TUBGCP5: variants seen among roughly 807,000 people sequenced by gnomAD.
TUBGCP5 encodes the protein gamma-tubulin complex component 5.
A neutral mutation model predicts 134.7 loss-of-function variants in TUBGCP5; 98 were observed. The observed-to-expected ratio is 0.73, with a 90% CI of 0.62 to 0.86. The LOEUF is 0.86. TUBGCP5 is among the 40% of genes least tolerant of loss of function. TUBGCP5 has a pLI of 0.00. For missense variants in TUBGCP5, 1,150 were observed against 1,244.8 expected (o/e 0.92, Z 1.15); for synonymous variants, 456 against 431.4 (o/e 1.06, Z -0.71).
chr15:23,017,987 T>A lies in TUBGCP5; in HGVS notation c.1542A>T (p.Leu514Phe). ...HRDFWYATYT[L>F]YSVSEKTENE... is the part of the protein sequence containing the mutation. ...TTTCTGTCTTTTCTGATACGCTATA[T>A]AACGTGTAAGTTGCATACCAGAAGT... Residue 514 changes from leucine (L) to phenylalanine (F), a missense_variant, in exon 13 of 23, where the codon TTA becomes TTT. By Grantham distance (22) the Leu-to-Phe change is conservative. Coordinates refer to ENST00000615383, the MANE Select transcript of TUBGCP5 (RefSeq NM_052903.6). 1 of 1,614,182 alleles carries A rather than the reference T, an allele frequency of 6.2e-7. No homozygotes were observed. Among genetic ancestry groups the A allele is most frequent in the Non-Finnish European group, 8.5e-7 (1 of 1,180,000 alleles).
In TUBGCP5 at chr15:23,036,976, T is replaced by C; in HGVS notation, c.230A>G (p.Asp77Gly). ...GIYEKFVIHS[D>G]LSKAASWKRL... ...CTTCCAACTAGCAGCTTTGCTTAGATCAGAATGAATGACAAATTTTTCATA... is the reference window on the plus strand; with the variant it reads ...CTTCCAACTAGCAGCTTTGCTTAGACCAGAATGAATGACAAATTTTTCATA... The change falls in exon 3 of 23, where the codon GAT becomes GGT. Residue 77 changes from aspartate (D) to glycine (G), a missense_variant. Asp to Gly is a moderately conservative substitution (Grantham distance 94). Coordinates refer to ENST00000615383, the MANE Select transcript of TUBGCP5 (RefSeq NM_052903.6). 1 of 1,606,446 alleles carries C rather than the reference T, an allele frequency of 6.2e-7. No homozygotes were observed. Among genetic ancestry groups the C allele is most frequent in the Non-Finnish European group, 8.5e-7 (1 of 1,177,888 alleles).
In TUBGCP5 at chr15:23,010,283, T is replaced by A. The variant is rs544031245; in HGVS notation, c.1956-150A>T. On this transcript the variant is annotated intron_variant, in intron 14 of 22. Transcript: ENST00000615383. ...AAATCTTTCTCCCAAAAATATCCTT[T>A]GAGTGAACCAGTCTCTTGAAGTTGC... 7.6e-6 allele frequency: 7 copies of A among 926,808 alleles called. No homozygotes were observed. The Admixed American group carries it at 1.6e-4, about 21-fold the overall frequency. The allele number at this position is 926,808 out of a possible 1,614,324, so 57.4% of individuals were successfully genotyped here. A position where few individuals can be genotyped will look rare whatever the true frequency, so the allele number is the denominator to read the frequency against.
At chr15:22,996,474 T>C (rs138558905), downstream of TUBGCP5, among the ~76,000 whole-genome samples, 66 of 152,262 alleles carry the variant, frequency 4.3e-4, no homozygotes, top group East Asian at 7.5e-3. Context: ...TAAGACTTCA[T>C]CTTTTTAATT....
intron 3 of TUBGCP5, among the ~76,000 whole-genome samples, chr15:23,036,572 C>G (rs913257052): frequency 6.6e-6 from 1 of 151,944 alleles, no homozygotes; most frequent in Non-Finnish European, 1.5e-5. Context: ...ATCTAGTAAG[C>G]ATCTACAGAC....
At chr15:22,999,130 A>T (rs1364226635), downstream of TUBGCP5, 1 of 152,210 alleles carries the variant, frequency 6.6e-6, no homozygotes, top group Non-Finnish European at 1.5e-5. Flanking sequence ...AAAACTCTAT[A>T]TAAAAAGCTT....
chr15:23,010,648 C>G (rs1345984294), intron 14 of TUBGCP5, among the ~76,000 whole-genome samples: 2 of 152,068 alleles, frequency 1.3e-5, no homozygotes, highest in African/African-American at 4.8e-5. Flanking sequence ...AACTATACAC[C>G]TGAAGTAGGT....
rs2065131004 is a variant in TUBGCP5 at position 23,013,154 on chromosome 15, G to C, written c.1757-1823C>G. Among the ~76,000 whole-genome samples, 1 of 151,938 alleles carries C rather than the reference G, an allele frequency of 6.6e-6. No homozygotes were observed. The highest frequency in any genetic ancestry group is 2.4e-5 in the African/African-American group (1 of 41,358). On this transcript the variant is annotated intron_variant, in intron 13 of 22. Coordinates refer to ENST00000615383, the MANE Select transcript of TUBGCP5 (RefSeq NM_052903.6). This position sits in a 1 kb window ranked among gnomAD's most constrained non-coding sequence, Gnocchi z 4.5. The stretch of plus-strand genomic sequence containing the variant: ...AGAGGACCAAAGCAACGAATCAACA[G>C]TTAAGATCCGACTGGAGGCTGGGGG...
chr15:23,005,917 CAT>C (rs1223995757), intron 18 of TUBGCP5, 133 bp downstream of exon 18: 2 of 964,278 alleles, frequency 2.1e-6, no homozygotes, highest in Non-Finnish European at 3.0e-6. Flanking sequence ...TTTGTGTACA[CAT>C]AAAAAATGAT....
intron 1 of TUBGCP5, 72 bp downstream of exon 1, chr15:23,039,326 C>G (rs1366028329): frequency 2.4e-6 from 3 of 1,246,552 alleles, no homozygotes; most frequent in Non-Finnish European, 3.0e-6. Context: ...CGCCCCGACC[C>G]CGGGCTGTGC....
At chr15:23,023,901 T>A in intron 10 of TUBGCP5, 46 bp downstream of exon 10, 5 of 1,574,032 alleles carry the variant, frequency 3.2e-6, no homozygotes, top group Non-Finnish European at 4.3e-6. Context: ...GGCATTCAAA[T>A]TATGAGTTAC....
rs1487369131 is a variant in TUBGCP5, at chr15:23,026,222, A to T, written c.738-17T>A. ...TGTTGGTCCCTATGAGACAGCAAACATAAATGTCAATAGAAAGGTTTCTAA... is the reference window on the plus strand; with the variant it reads ...TGTTGGTCCCTATGAGACAGCAAACTTAAATGTCAATAGAAAGGTTTCTAA... On this transcript the variant is annotated splice_polypyrimidine_tract_variant and intron_variant, in intron 7 of 22. Transcript: ENST00000615383. 6.3e-7 allele frequency: 1 copy of T among 1,599,512 alleles called. No individual in the cohort carries two copies. The highest frequency in any genetic ancestry group is 1.1e-5 in the South Asian group (1 of 90,526).
At chr15:23,016,618 A>G (rs1252279984) in intron 13 of TUBGCP5, among the ~76,000 whole-genome samples, 2 of 152,140 alleles carry the variant, frequency 1.3e-5, no homozygotes, top group African/African-American at 2.4e-5. Flanking sequence ...AATGCAAATC[A>G]AAACCACAAT....
In TUBGCP5 at chr15:22,999,284, G is replaced by A. The variant is rs548; in HGVS notation, c.*536C>T. On this transcript the variant is annotated 3_prime_UTR_variant, in exon 23 of 23. Transcript: ENST00000615383. Reference sequence around the variant, plus strand: ...AAATCTGTATCTTACAGTAGGAAATGTAAGAGTAAACAGCCTATATACACT... The same window carrying A: ...AAATCTGTATCTTACAGTAGGAAATATAAGAGTAAACAGCCTATATACACT... The A allele has an allele frequency of 0.13, 20,515 of 152,534 alleles. 1,820 individuals carry two copies. Among genetic ancestry groups the A allele is most frequent in the East Asian group, 0.46 (2,376 of 5,180 alleles). The allele number at this position is 152,534 out of a possible 1,614,324, so 9.4% of individuals were successfully genotyped here. A position where few individuals can be genotyped will look rare whatever the true frequency, so the allele number is the denominator to read the frequency against.
At chr15:22,994,871 T>C (rs150907884), downstream of TUBGCP5, among the ~76,000 whole-genome samples, 49 of 152,238 alleles carry the variant, frequency 3.2e-4, no homozygotes, top group East Asian at 7.0e-3. Flanking sequence ...TCCCAGCACT[T>C]TGGGAGGCCA....
chr15:22,994,884 G>A (rs2063997848), downstream of TUBGCP5, among the ~76,000 whole-genome samples: 1 of 152,154 alleles, frequency 6.6e-6, no homozygotes, highest in Non-Finnish European at 1.5e-5. Context: ...GGAGGCCAGT[G>A]CAGGATTGTG....
At chr15:22,988,653 G>A (rs538034102) in intron 23 of TUBGCP5, among the ~76,000 whole-genome samples, 6 of 150,572 alleles carry the variant, frequency 4.0e-5, no homozygotes, top group East Asian at 2.0e-4. Context: ...GGAGAATGGC[G>A]TGAACCTAGG....
In TUBGCP5 at chr15:23,008,732, GCTT is replaced by G; in HGVS notation, c.2291_2293del (p.Glu764del). The G allele has an allele frequency of 6.2e-7, 1 of 1,607,114 alleles. No homozygotes were observed. ...ATCTTCAGGATAACGCTGTCCTACT[GCTT>G]CTTGGAGTTGGACATTAAGAAAAGA... On this transcript the variant is annotated inframe_deletion, in exon 16 of 23. Transcript: ENST00000615383.
At chr15:23,035,366 A>AC (rs1376312226) in intron 3 of TUBGCP5, among the ~76,000 whole-genome samples, 14 of 151,038 alleles carry the variant, frequency 9.3e-5, no homozygotes, top group Admixed American at 8.6e-4. Flanking sequence ...AGTTATTGCT[A>AC]CACCACACAG....
chr15:22,990,037 T>A (rs1171733330), intron 23 of TUBGCP5, among the ~76,000 whole-genome samples: 1 of 152,156 alleles, frequency 6.6e-6, no homozygotes, highest in African/African-American at 2.4e-5. Flanking sequence ...AGATCACACA[T>A]GAACCATGCA....
Sources: gnomAD v4.1 joint callset for allele counts (sites outside exome capture counted in the v4.1 genomes callset) on GRCh38, gnomAD v4.1.1 for gene constraint, Gnocchi (gnomAD v3.1) non-coding constraint, MANE v1.5 for transcripts, NCBI Gene and HGNC (gene_info 2026-07-23, HGNC 2026-07-21) for gene names.